The following PCDHA10 variants were observed in gnomAD, a reference collection of about 807,000 sequenced individuals.
The protein encoded by PCDHA10 is protocadherin alpha 10, also known as protocadherin alpha-10.
A neutral mutation model predicts 61.2 loss-of-function variants in PCDHA10; 45 were observed. The observed-to-expected ratio is 0.74, with a 90% CI of 0.58 to 0.94. The LOEUF (loss-of-function observed/expected upper bound fraction) is 0.94, where lower values mean the gene tolerates loss of function less well. Ranked by LOEUF, PCDHA10 falls within the 40% of genes least tolerant of loss-of-function variation. The pLI, the probability that PCDHA10 is intolerant of heterozygous loss-of-function variation, is 0.00. For missense variants in PCDHA10, 1,278 were observed against 1,236.2 expected, an observed-to-expected ratio of 1.03 and a Z score of -0.51; for synonymous variants, 602 against 548.8, an observed-to-expected ratio of 1.10 and a Z score of -1.35.
intron 1 of PCDHA10, among the ~76,000 whole-genome samples, chr5:140,900,569 A>G (rs1166977648): frequency 2.6e-5 from 4 of 152,182 alleles, no homozygotes; most frequent in African/African-American, 9.7e-5. Context: ...GAGCCACGGC[A>G]CCGGCCCATT....
At chr5:140,867,027 C>T (rs1043288554) in intron 1 of PCDHA10, 4 of 152,102 alleles carry the variant, frequency 2.6e-5, no homozygotes, top group Non-Finnish European at 5.9e-5. Context: ...ATATCAAACT[C>T]TTTTATGACT....
chr5:140,923,139 A>G (rs1213586565), intron 1 of PCDHA10, among the ~76,000 whole-genome samples: 3 of 152,188 alleles, frequency 2.0e-5, no homozygotes, highest in Non-Finnish European at 2.9e-5. Context: ...TGAAGGTGGA[A>G]TATAAAAAAA....
At position 140,978,952 on chromosome 5, in the gene PCDHA10, C is replaced by T. The variant is rs374951627; in HGVS notation, c.2392C>T (p.Arg798Ter). Residue 798 changes from arginine (R) to a stop codon, truncating the protein, a stop_gained, in exon 2 of 4, where the codon CGA (arginine) becomes TGA (stop). Coordinates refer to ENST00000307360, the MANE Select transcript of PCDHA10 (RefSeq NM_018901.4). LOFTEE classifies it high-confidence loss of function. ...SIGGDHSRKP[R>*]QPNPDWRYSA... ...AACTCTCTTTGTGATTTTGCAGCCA[C>T]GACAGCCCAACCCTGACTGGCGTTA... is the stretch of plus-strand genomic sequence containing the variant. 5.0e-6 allele frequency: 8 copies of T among 1,614,018 alleles called. No individual in the cohort carries two copies. The highest frequency in any genetic ancestry group is 2.2e-5 in the South Asian group (2 of 91,070).
chr5:140,932,824 G>A (rs1484280278), intron 1 of PCDHA10, among the ~76,000 whole-genome samples: 4 of 151,902 alleles, frequency 2.6e-5, no homozygotes, highest in Admixed American at 6.6e-5. Context: ...AAGTGGGAAA[G>A]TATTGACAAT....
chr5:140,971,928 T>C (rs1318885872), intron 1 of PCDHA10, among the ~76,000 whole-genome samples: 1 of 152,186 alleles, frequency 6.6e-6, no homozygotes, highest in Non-Finnish European at 1.5e-5. Flanking sequence ...GCTAGTGTTA[T>C]TTTAAGTTGT....
chr5:140,999,363 A>G (rs772527438), intron 3 of PCDHA10, among the ~76,000 whole-genome samples: 1 of 152,198 alleles, frequency 6.6e-6, no homozygotes, highest in Non-Finnish European at 1.5e-5. Flanking sequence ...AATGTTCACA[A>G]TCCCATTAGA....
chr5:140,913,284 G>A (rs1201275371), intron 1 of PCDHA10, among the ~76,000 whole-genome samples: 1 of 152,026 alleles, frequency 6.6e-6, no homozygotes, highest in Non-Finnish European at 1.5e-5. Context: ...GTCTGTTTAG[G>A]TTTTAATTTC....
At chr5:140,929,316 C>G in intron 1 of PCDHA10, 1 of 1,556,954 alleles carries the variant, frequency 6.4e-7, no homozygotes, top group Non-Finnish European at 8.7e-7. Flanking sequence ...ACGCTAATGT[C>G]AATGCCATGG....
chr5:140,859,139 T>G (rs2045740585), intron 1 of PCDHA10: 1 of 150,214 alleles, frequency 6.7e-6, no homozygotes, highest in African/African-American at 2.4e-5. Context: ...TTACATAATT[T>G]TATCCAGTAG....
chr5:140,857,619 A>G lies in PCDHA10; in HGVS notation c.1571A>G (p.His524Arg). Reference sequence around the variant, plus strand: ...GTGTACGCGCTGCAGCCGCTGGACCACGAGGAGCTGGAGCTGCTACAGTTC... The same window carrying G: ...GTGTACGCGCTGCAGCCGCTGGACCGCGAGGAGCTGGAGCTGCTACAGTTC... ...GKVYALQPLDHEELELLQFQV... is the reference protein window; with the variant it reads ...GKVYALQPLDREELELLQFQV... The change falls in exon 1 of 4, where the codon CAC becomes CGC. Residue 524 changes from histidine (H) to arginine (R), a missense_variant. By Grantham distance (29) the His-to-Arg change is conservative. Transcript: ENST00000307360. The G allele has an allele frequency of 6.3e-7, 1 of 1,596,352 alleles. No homozygotes were observed. Among genetic ancestry groups the G allele is most frequent in the Non-Finnish European group, 8.6e-7 (1 of 1,167,658 alleles).
At chr5:140,870,633 C>A in intron 1 of PCDHA10, 2 of 1,612,872 alleles carry the variant, frequency 1.2e-6, no homozygotes, top group Middle Eastern at 1.8e-4. Context: ...TGTCGGTGCA[C>A]GCGGAGAGCG....
chr5:140,882,438 C>T (rs782795158), intron 1 of PCDHA10: 5 of 1,614,020 alleles, frequency 3.1e-6, no homozygotes, highest in Non-Finnish European at 4.2e-6. Context: ...CTGGAGCTGG[C>T]GGAGCTGGTG....
intron 1 of PCDHA10, among the ~76,000 whole-genome samples, chr5:140,906,070 C>T (rs1257687877): frequency 1.3e-5 from 2 of 152,162 alleles, no homozygotes; most frequent in South Asian, 2.1e-4. Flanking sequence ...CTGATTAGAT[C>T]GCACCCACCC....
At chr5:140,997,911 C>T (rs2097790216) in intron 3 of PCDHA10, among the ~76,000 whole-genome samples, 1 of 152,120 alleles carries the variant, frequency 6.6e-6, no homozygotes, top group East Asian at 1.9e-4. Context: ...AGTAGAATTA[C>T]AGAATCATAG....
chr5:140,968,753 C>T (rs782591270), intron 1 of PCDHA10: 8 of 1,614,018 alleles, frequency 5.0e-6, no homozygotes, highest in Non-Finnish European at 6.8e-6. Flanking sequence ...CGTGGTGGTC[C>T]GAGATAATGG....
chr5:140,856,081 G>T lies in PCDHA10; in HGVS notation c.33G>T (p.Gln11His). The T allele has an allele frequency of 6.3e-7, 1 of 1,595,042 alleles. No individual in the cohort carries two copies. Among genetic ancestry groups the T allele is most frequent in the Non-Finnish European group, 8.6e-7 (1 of 1,165,518 alleles). MVSRCSCLGVQCLLLSLLLLA... is the reference protein window; with the variant it reads MVSRCSCLGVHCLLLSLLLLA... ...CCAGATGTAGCTGCCTGGGGGTCCA[G>T]TGTCTGCTGCTCTCGCTTCTTCTCC... The change falls in exon 1 of 4, where the codon CAG (glutamine) becomes CAT (histidine). Residue 11 changes from glutamine to histidine, a missense_variant. Transcript: ENST00000307360.
intron 1 of PCDHA10, among the ~76,000 whole-genome samples, chr5:140,941,438 C>G (rs1408570275): frequency 6.6e-6 from 1 of 150,766 alleles, no homozygotes; most frequent in East Asian, 1.9e-4. Flanking sequence ...GCCTCAGCCT[C>G]GGGAGTAGCT....
chr5:140,888,789 G>A (rs536846098), intron 1 of PCDHA10, among the ~76,000 whole-genome samples: 1 of 152,066 alleles, frequency 6.6e-6, no homozygotes, highest in Admixed American at 6.5e-5. Flanking sequence ...AGCCTGATCT[G>A]GGGAGGTTGA....
chr5:140,877,101 G>A lies in PCDHA10; in HGVS notation c.2388+18665G>A, dbSNP rs375706181. ...TGAGCGCGCGCGACGCCGGCGTGCCGCCTCTGGGCAGCAACGTGACGCTGC... is the reference window on the plus strand; with the variant it reads ...TGAGCGCGCGCGACGCCGGCGTGCCACCTCTGGGCAGCAACGTGACGCTGC... On this transcript the variant is annotated intron_variant, in intron 1 of 3. Transcript: ENST00000307360. 3.3e-5 allele frequency: 53 copies of A among 1,613,354 alleles called. 1 individual carries two copies. The highest frequency in any genetic ancestry group is 4.1e-5 in the Non-Finnish European group (48 of 1,179,850).
Sources: allele counts gnomAD v4.1 joint callset (sites outside exome capture counted in the v4.1 genomes callset), GRCh38; gene constraint gnomAD v4.1.1; transcripts MANE v1.5; gene names NCBI Gene and HGNC (gene_info 2026-07-23, HGNC 2026-07-21).